Variants in RNF111 observed in about 807,000 individuals in gnomAD.
RNF111 encodes ring finger protein 111, also known as E3 ubiquitin-protein ligase Arkadia.
A neutral mutation model predicts 95.1 loss-of-function variants in RNF111; 17 were observed. That is an observed-to-expected ratio of 0.18 (90% confidence interval 0.12 to 0.27). The LOEUF (loss-of-function observed/expected upper bound fraction) is 0.27, where lower values mean the gene tolerates loss of function less well. Among genes scored for constraint, RNF111 ranks in the 10% least tolerant of loss-of-function variants. RNF111 has a pLI of 1.00. For synonymous variants in RNF111, 440 were observed against 414.8 expected (o/e 1.06, Z -0.74); for missense variants, 1,189 against 1,210.4 (o/e 0.98, Z 0.26).
Position 59,066,845 on chromosome 15 carries a change from A to G in RNF111, c.1448A>G (p.Gln483Arg). ...CCAAGGTTACCTTCCTGCTGTCCCC[A>G]GCACTCACCATGTGGAGGGTCGTCA... is the stretch of plus-strand genomic sequence containing the variant. ...AMPRLPSCCPQHSPCGGSSQN... is the reference protein window; with the variant it reads ...AMPRLPSCCPRHSPCGGSSQN... Residue 483 changes from glutamine to arginine, a missense_variant, in exon 6 of 14, where the codon CAG becomes CGG. Physicochemically the swap from Gln to Arg is conservative, Grantham distance 43. This residue lies in a region of RNF111 where 1,024 missense variants were observed against 925.9 expected (regional missense o/e 1.11). Transcript: ENST00000348370. 1 of 1,614,056 alleles carries G rather than the reference A, an allele frequency of 6.2e-7. No homozygotes were observed. The highest frequency in any genetic ancestry group is 1.1e-5 in the South Asian group (1 of 91,082).
At chr15:59,036,835 G>A (rs1452599806) in intron 2 of RNF111, among the ~76,000 whole-genome samples, 4 of 151,896 alleles carry the variant, frequency 2.6e-5, no homozygotes, top group Non-Finnish European at 5.9e-5. Flanking sequence ...TTTTGGTTTG[G>A]TTTTATTTGC....
At position 58,987,801 on chromosome 15, in the gene RNF111, C is replaced by T. The variant is rs1375645837; in HGVS notation, c.-287C>T. On this transcript the variant is annotated 5_prime_UTR_variant, in exon 1 of 14. Coordinates refer to ENST00000348370, the MANE Select transcript of RNF111 (RefSeq NM_017610.8). ...GGTTTGCGCAGCGTAGAAACGCCCGCAGCTTCAGAGAAGGAGTTCTTGTGG... is the reference window on the plus strand; with the variant it reads ...GGTTTGCGCAGCGTAGAAACGCCCGTAGCTTCAGAGAAGGAGTTCTTGTGG... 6.3e-6 allele frequency: 1 copy of T among 158,846 alleles called. No homozygotes were observed. Among genetic ancestry groups the T allele is most frequent in the Non-Finnish European group, 1.4e-5 (1 of 71,510 alleles). 9.8% of individuals were successfully genotyped at this position (158,846 alleles called of 1,614,324 possible). A position where few individuals can be genotyped will look rare whatever the true frequency, so the allele number is the denominator to read the frequency against.
chr15:59,052,317 A>G lies in RNF111; in HGVS notation c.893A>G (p.Glu298Gly). ...TTTTTGTTTCCAGGAAGTATTGATG[A>G]AGATGTTGTGGTGATAGAAGCTTCC... ...NPAVPSGSID[E>G]DVVVIEASST... Residue 298 changes from glutamate to glycine, a missense_variant, in exon 3 of 14, where the codon GAA (glutamate) becomes GGA (glycine). By Grantham distance (98) the Glu-to-Gly change is moderately conservative (BLOSUM62 -2). Transcript: ENST00000348370. 6.3e-7 allele frequency: 1 copy of G among 1,584,822 alleles called. No individual in the cohort carries two copies.
chr15:59,033,166 C>T (rs960867852), intron 2 of RNF111, among the ~76,000 whole-genome samples: 5 of 152,212 alleles, frequency 3.3e-5, no homozygotes, highest in Admixed American at 2.6e-4. Context: ...CTAATACTAA[C>T]ATAAGCTTTC....
intron 1 of RNF111, among the ~76,000 whole-genome samples, chr15:59,020,324 C>A (rs1263350410): frequency 1.3e-5 from 2 of 151,408 alleles, no homozygotes; most frequent in African/African-American, 4.8e-5. Context: ...TTAGCAGTAT[C>A]TTTATGTCTT....
At chr15:59,032,241 A>G (rs1400537397) in intron 2 of RNF111, among the ~76,000 whole-genome samples, 2 of 152,102 alleles carry the variant, frequency 1.3e-5, no homozygotes, top group Non-Finnish European at 2.9e-5. Context: ...ACCTGGCCTC[A>G]TTTATTACAT....
intron 1 of RNF111, among the ~76,000 whole-genome samples, chr15:58,989,327 A>G (rs1398566816): frequency 6.6e-6 from 1 of 152,200 alleles, no homozygotes; most frequent in East Asian, 1.9e-4. Context: ...GCCTTGATTT[A>G]TCTTATTTTG....
chr15:59,013,116 A>G (rs1342863268), intron 1 of RNF111, among the ~76,000 whole-genome samples: 1 of 152,192 alleles, frequency 6.6e-6, no homozygotes, highest in Non-Finnish European at 1.5e-5. Context: ...GGTAAGCTCC[A>G]TAGTCACTCA....
intron 1 of RNF111, among the ~76,000 whole-genome samples, chr15:58,993,848 G>C (rs2038926344): frequency 6.6e-6 from 1 of 152,036 alleles, no homozygotes; most frequent in Non-Finnish European, 1.5e-5. Flanking sequence ...GTTTGTATGT[G>C]ATTGGATTCT....
chr15:59,065,289 A>G (rs1252099161), intron 5 of RNF111, among the ~76,000 whole-genome samples: 1 of 152,154 alleles, frequency 6.6e-6, no homozygotes, highest in Non-Finnish European at 1.5e-5. Context: ...TATAATATTT[A>G]GTTTGAGGAA....
chr15:59,020,772 A>G (rs184070141), intron 1 of RNF111, among the ~76,000 whole-genome samples: 1 of 152,234 alleles, frequency 6.6e-6, no homozygotes, highest in Admixed American at 6.5e-5. Context: ...CAGCTACCAA[A>G]CTCCAGTCCT....
At chr15:59,019,858 C>T (rs993588116) in intron 1 of RNF111, among the ~76,000 whole-genome samples, 6 of 151,956 alleles carry the variant, frequency 3.9e-5, no homozygotes, top group African/African-American at 1.4e-4. Flanking sequence ...GCTCGGGAGG[C>T]TGAGGCAGCA....
At chr15:59,069,562 A>C (rs2042817902) in intron 6 of RNF111, among the ~76,000 whole-genome samples, 1 of 152,210 alleles carries the variant, frequency 6.6e-6, no homozygotes, top group South Asian at 2.1e-4. Flanking sequence ...AAATAAATAT[A>C]ACTCGTTTAC....
chr15:59,013,533 C>CT (rs2039926501), intron 1 of RNF111, among the ~76,000 whole-genome samples: 1 of 152,200 alleles, frequency 6.6e-6, no homozygotes, highest in Non-Finnish European at 1.5e-5. Flanking sequence ...AGTGCCCTGC[C>CT]TTTCTCATCA....
intron 2 of RNF111, among the ~76,000 whole-genome samples, chr15:59,035,605 T>G (rs536096760): frequency 2.0e-5 from 3 of 152,348 alleles, no homozygotes; most frequent in South Asian, 4.1e-4. Context: ...TTTTGCAAAT[T>G]TTTATGCTCT....
At chr15:59,062,193 C>G (rs1292805065) in intron 5 of RNF111, among the ~76,000 whole-genome samples, 5 of 151,962 alleles carry the variant, frequency 3.3e-5, no homozygotes, top group African/African-American at 1.2e-4. Flanking sequence ...CAGGCACACT[C>G]TACCACACCT....
intron 2 of RNF111, among the ~76,000 whole-genome samples, chr15:59,038,144 T>G (rs187721699): frequency 6.6e-6 from 1 of 152,342 alleles, no homozygotes; most frequent in East Asian, 1.9e-4. Flanking sequence ...GTCTTGGTAA[T>G]TGCTAGAACC....
Position 58,988,030 on chromosome 15 carries a change from C to G in RNF111, c.-58C>G, listed in dbSNP as rs1257304899. On this transcript the variant is annotated 5_prime_UTR_variant, in exon 1 of 14. Coordinates refer to ENST00000348370, the MANE Select transcript of RNF111 (RefSeq NM_017610.8). ...TGTCTTCCTTCCTGGGTCAGTGATT[C>G]CCGGACCCTGGAAGAGAAGAGGGTG... 4.6e-5 allele frequency: 7 copies of G among 151,884 alleles called. No individual in the cohort carries two copies. The highest frequency in any genetic ancestry group is 1.7e-4 in the African/African-American group (7 of 41,304). 9.4% of individuals were successfully genotyped at this position (151,884 alleles called of 1,614,324 possible). A position where few individuals can be genotyped will look rare whatever the true frequency, so the allele number is the denominator to read the frequency against.
At chr15:59,088,924 C>T (rs534119219) in intron 10 of RNF111, among the ~76,000 whole-genome samples, 25 of 152,122 alleles carry the variant, frequency 1.6e-4, no homozygotes, top group Non-Finnish European at 3.5e-4. Context: ...GCTTGGGTGC[C>T]ATTTTAAACA....
Sources: allele counts gnomAD v4.1 joint callset (sites outside exome capture counted in the v4.1 genomes callset), GRCh38; gene constraint gnomAD v4.1.1; regional missense constraint gnomAD v4.1.1; transcripts MANE v1.5; gene names NCBI Gene and HGNC (gene_info 2026-07-23, HGNC 2026-07-21).